The following ZNF487 variants were observed in gnomAD, a reference collection of about 807,000 sequenced individuals.
ZNF487 encodes zinc finger protein 487, also known as KRAB domain only 1.
In ZNF487, 4 loss-of-function variants were observed where a neutral mutation model predicts 3.0. The ratio of observed to expected loss-of-function variants is 1.35; its 90% CI spans 0.66 to 3.08. The LOEUF (loss-of-function observed/expected upper bound fraction) is 3.08. Among genes scored for constraint, ZNF487 ranks in the 30% most tolerant of loss-of-function variants. The probability of loss-of-function intolerance (pLI) is 0.01; values close to 1 mark genes in which losing one functional copy is unlikely to be tolerated. For missense variants in ZNF487, 146 were observed against 98.7 expected, an observed-to-expected ratio of 1.48 and a Z score of -2.03; for synonymous variants, 55 against 34.6, an observed-to-expected ratio of 1.59 and a Z score of -2.06.
Position 43,476,131 on chromosome 10 carries a change from T to G in ZNF487, c.59T>G (p.Val20Gly), listed in dbSNP as rs41306552. 23,665 of 717,254 alleles carry G rather than the reference T, an allele frequency of 0.033. 505 individuals are homozygous for G. The highest frequency in any genetic ancestry group is 0.04 in the Non-Finnish European group (15,303 of 385,058). 44.4% of individuals were successfully genotyped at this position (717,254 alleles called of 1,614,324 possible). ...GGATATTGCATTACCAAACCAGAGG[T>G]GGTTTGCAAGTTGGAGCATGGACAG... ...SVGYCITKPE[V>G]VCKLEHGQVL... The change falls in exon 3 of 4, where the codon GTG becomes GGG. Residue 20 changes from valine to glycine, a missense_variant. Val to Gly is a moderately radical substitution (Grantham distance 109). Coordinates refer to ENST00000437590, the MANE Select transcript of ZNF487 (RefSeq NM_001355444.3).
intron 1 of ZNF487, among the ~76,000 whole-genome samples, chr10:43,473,698 T>C (rs565362583): frequency 6.6e-6 from 1 of 151,984 alleles, no homozygotes; most frequent in Admixed American, 6.6e-5. Flanking sequence ...AAACATCAAC[T>C]TACCTTCGCC....
At chr10:43,456,465 G>A (rs1251908481) in intron 1 of ZNF487, among the ~76,000 whole-genome samples, 1 of 152,234 alleles carries the variant, frequency 6.6e-6, no homozygotes. Flanking sequence ...CCAGCTGTCA[G>A]AGAGGTGAGC....
the ZNF487 span, among the ~76,000 whole-genome samples, chr10:43,508,224 G>A: frequency 6.6e-6 from 1 of 152,202 alleles, no homozygotes; most frequent in African/African-American, 2.4e-5. Context: ...TCACCCTGAT[G>A]ATAATGATTT....
At chr10:43,490,500 CTTTTTTTTTTTT>C in the ZNF487 span, among the ~76,000 whole-genome samples, 4 of 39,160 alleles carry the variant, frequency 1.0e-4, no homozygotes, top group East Asian at 2.4e-3. Flanking sequence ...AGTAGCTCTA[CTTTTTTTTTTTT>C]TTTTTTTTTT....
At chr10:43,499,391 T>C in the ZNF487 span, among the ~76,000 whole-genome samples, 2 of 152,018 alleles carry the variant, frequency 1.3e-5, no homozygotes, top group African/African-American at 4.8e-5. Flanking sequence ...CAAAGATAAG[T>C]TGGATTTTGA....
intron 1 of ZNF487, among the ~76,000 whole-genome samples, chr10:43,460,533 GC>G (rs979494950): frequency 2.7e-5 from 4 of 149,934 alleles, no homozygotes; most frequent in African/African-American, 1.0e-4. Flanking sequence ...CTGCCACCAT[GC>G]CCAGCTAATT....
At chr10:43,497,548 A>G in the ZNF487 span, among the ~76,000 whole-genome samples, 1 of 152,206 alleles carries the variant, frequency 6.6e-6, no homozygotes, top group African/African-American at 2.4e-5. Context: ...TGGCGCCTGC[A>G]CTAGCTCAGT....
chr10:43,512,100 C>T, the ZNF487 span, among the ~76,000 whole-genome samples: 1 of 152,242 alleles, frequency 6.6e-6, no homozygotes, highest in African/African-American at 2.4e-5. Context: ...CGCTGTCCTT[C>T]AGAGATGTCC....
At chr10:43,517,244 A>G in the ZNF487 span, among the ~76,000 whole-genome samples, 1 of 152,262 alleles carries the variant, frequency 6.6e-6, no homozygotes, top group Non-Finnish European at 1.5e-5. Context: ...CCCTGACACC[A>G]TCAAGAAACA....
At position 43,457,558 on chromosome 10, in the gene ZNF487, GAA is replaced by G. The variant is rs1023956426; in HGVS notation, c.-93-18146_-93-18145del. Among the ~76,000 whole-genome samples, 159 of 136,984 alleles carry G rather than the reference GAA, an allele frequency of 1.2e-3. 2 individuals are homozygous for G. The highest frequency in any genetic ancestry group is 3.9e-3 in the Middle Eastern group (1 of 258). The allele number at this position is 136,984 out of a possible 152,430, so 89.9% of individuals were successfully genotyped here. A position where few individuals can be genotyped will look rare whatever the true frequency, so the allele number is the denominator to read the frequency against. ...CGACAAAGCAAGACTCTGTCTTGGG[GAA>G]AAAAAAAAAAAAAAAAGAAAAAGAA... On this transcript the variant is annotated intron_variant, in intron 1 of 3. Transcript: ENST00000437590.
chr10:43,480,349 AC>A (rs1160113537), intron 3 of ZNF487, among the ~76,000 whole-genome samples: 1 of 144,320 alleles, frequency 6.9e-6, no homozygotes, highest in Non-Finnish European at 1.5e-5. Context: ...CTCGTGATCC[AC>A]CCCCATCAGC....
the ZNF487 span, among the ~76,000 whole-genome samples, chr10:43,499,667 C>T: frequency 6.6e-6 from 1 of 151,514 alleles, no homozygotes; most frequent in African/African-American, 2.4e-5. Flanking sequence ...GGAAGGATCT[C>T]GTGAGCCTGG....
intron 1 of ZNF487, among the ~76,000 whole-genome samples, chr10:43,446,092 C>T (rs1839786242): frequency 6.6e-6 from 1 of 152,234 alleles, no homozygotes; most frequent in African/African-American, 2.4e-5. Flanking sequence ...TACACAGACA[C>T]AGTAACAATC....
chr10:43,484,522 G>A (rs1040113277), downstream of ZNF487, among the ~76,000 whole-genome samples: 1 of 152,000 alleles, frequency 6.6e-6, no homozygotes, highest in African/African-American at 2.4e-5. Flanking sequence ...CAGGAGAACT[G>A]CTTGAACCTG....
intron 1 of ZNF487, among the ~76,000 whole-genome samples, chr10:43,459,804 AT>A (rs1840357731): frequency 1.8e-5 from 2 of 110,358 alleles, no homozygotes; most frequent in African/African-American, 1.0e-4. Context: ...TATTATTATT[AT>A]TATTATTATT....
downstream of ZNF487, among the ~76,000 whole-genome samples, chr10:43,486,652 C>T (rs1588751308): frequency 1.3e-5 from 2 of 151,952 alleles, no homozygotes; most frequent in East Asian, 3.9e-4. Context: ...AACTTGTACC[C>T]GTAATGGTAT....
chr10:43,509,458 C>CATATATATATATATATAT, the ZNF487 span, among the ~76,000 whole-genome samples: 205 of 135,244 alleles, frequency 1.5e-3, no homozygotes, highest in African/African-American at 3.9e-3. Context: ...ACTAATGGAA[C>CATATATATATATATATAT]ATATATATAT....
chr10:43,451,197 C>T lies in ZNF487; in HGVS notation c.-94+13935C>T, dbSNP rs183171522. On this transcript the variant is annotated intron_variant, in intron 1 of 3. Transcript: ENST00000437590. ...CCGACCTCAGGTGATACGCTTGCCT[C>T]GGCCTTCCAAAGTGCTGGGATTACA... Among the ~76,000 whole-genome samples the T allele has an allele frequency of 1.0e-3, 158 of 150,922 alleles. 1 individual carries two copies. Among genetic ancestry groups the T allele is most frequent in the Non-Finnish European group, 1.4e-3 (95 of 67,828 alleles).
At chr10:43,495,436 G>T in the ZNF487 span, among the ~76,000 whole-genome samples, 18 of 152,004 alleles carry the variant, frequency 1.2e-4, no homozygotes, top group African/African-American at 4.4e-4. Flanking sequence ...TAGAGATGGG[G>T]TTTCACCATG....
Sources: allele counts gnomAD v4.1 joint callset (sites outside exome capture counted in the v4.1 genomes callset), GRCh38; gene constraint gnomAD v4.1.1; transcripts MANE v1.5; gene names NCBI Gene and HGNC (gene_info 2026-07-23, HGNC 2026-07-21).